The following NACA variants were observed in gnomAD, a reference collection of about 807,000 sequenced individuals.
NACA encodes nascent polypeptide associated complex subunit alpha.
NACA carries 42 observed loss-of-function variants against 86.4 expected under a neutral mutation model. The ratio of observed to expected loss-of-function variants is 0.49; its 90% CI spans 0.38 to 0.63. The LOEUF is 0.63. Ranked by LOEUF, NACA falls within the 20% of genes least tolerant of loss-of-function variation. The pLI, the probability that NACA is intolerant of heterozygous loss-of-function variation, is 0.00. For missense variants in NACA, 2,157 were observed against 2,483.6 expected (o/e 0.87, Z 2.80); for synonymous variants, 898 against 973.7 (o/e 0.92, Z 1.45).
rs1391829512 is a variant in NACA, at chr12:56,719,059, A to C, written c.2471T>G (p.Leu824Arg). ...TTCAACTGGAGAAACAGGGGATGAG[A>C]GATTTCCAATAGGAGTATCAGGGCC... ...SAGPDTPIGNLSSPVSPVEAS... is the reference protein window; with the variant it reads ...SAGPDTPIGNRSSPVSPVEAS... The change falls in exon 3 of 9, where the codon CTC (leucine) becomes CGC (arginine). Residue 824 changes from leucine (L) to arginine (R), a missense_variant. Leu to Arg is a moderately radical substitution (Grantham distance 102). Coordinates refer to ENST00000454682, the MANE Select transcript of NACA (RefSeq NM_001365896.1). 1 of 1,449,230 alleles carries C rather than the reference A, an allele frequency of 6.9e-7. No homozygotes were observed. The highest frequency in any genetic ancestry group is 1.1e-5 in the South Asian group (1 of 88,712). The allele number at this position is 1,449,230 out of a possible 1,614,324, so 89.8% of individuals were successfully genotyped here.
At chr12:56,714,521 G>A in intron 4 of NACA, 81 bp downstream of exon 4, 9 of 1,602,722 alleles carry the variant, frequency 5.6e-6, no homozygotes, top group Non-Finnish European at 7.7e-6. Context: ...CCTTTATGAA[G>A]GTTCACAGTT....
rs199890485 is a variant in NACA, at chr12:56,720,129, C to G, written c.1401G>C (p.Met467Ile). 2 of 1,613,732 alleles carry G rather than the reference C, an allele frequency of 1.2e-6. No homozygotes were observed. Among genetic ancestry groups the G allele is most frequent in the Non-Finnish European group, 1.7e-6 (2 of 1,179,870 alleles). Residue 467 changes from methionine (M) to isoleucine (I), a missense_variant, in exon 3 of 9, where the codon ATG (methionine) becomes ATC (isoleucine). Coordinates refer to ENST00000454682, the MANE Select transcript of NACA (RefSeq NM_001365896.1). ...FEVATCVSPPMSSGPISNIEP... is the reference protein window; with the variant it reads ...FEVATCVSPPISSGPISNIEP... Reference sequence around the variant, plus strand: ...CTATGTTACTTATGGGACCTGATGACATTGGAGGAGAAACACAAGTAGCTA... The same window carrying G: ...CTATGTTACTTATGGGACCTGATGAGATTGGAGGAGAAACACAAGTAGCTA...
chr12:56,721,042 GA>G lies in NACA; in HGVS notation c.487del (p.Ser163GlnfsTer4), dbSNP rs1425447351. ...TGACCCTGACTCAGCTACAGCCACT[GA>G]AGGAGGTGAAGTAAGAAGGTTAGGT... ...FPPNLLTSPP[S>X]VAVAESGSVI... On this transcript the variant is annotated frameshift_variant, in exon 3 of 9. Transcript: ENST00000454682. LOFTEE classifies it high-confidence loss of function. 1 of 1,614,010 alleles carries G rather than the reference GA, an allele frequency of 6.2e-7. No individual in the cohort carries two copies. Among genetic ancestry groups the G allele is most frequent in the Non-Finnish European group, 8.5e-7 (1 of 1,179,888 alleles).
At position 56,717,255 on chromosome 12, in the gene NACA, T is replaced by A; in HGVS notation, c.4275A>T (p.Ala1425=). 7.6e-7 allele frequency: 1 copy of A among 1,320,994 alleles called. No individual in the cohort carries two copies. The highest frequency in any genetic ancestry group is 9.9e-7 in the Non-Finnish European group (1 of 1,014,236). The allele number at this position is 1,320,994 out of a possible 1,614,324, so 81.8% of individuals were successfully genotyped here. A position where few individuals can be genotyped will look rare whatever the true frequency, so the allele number is the denominator to read the frequency against. Residue 1425 remains alanine (A), a synonymous_variant, in exon 3 of 9, where the codon GCA becomes GCT. Coordinates refer to ENST00000454682, the MANE Select transcript of NACA (RefSeq NM_001365896.1). ...APATPVTREG[A]ATPSKGDLTP... is the part of the protein sequence containing the mutation. The stretch of plus-strand genomic sequence containing the variant: ...TGAGATCTCCTTTGGATGGGGTGGC[T>A]GCGCCTTCTCTGGTGACTGGAGTTG...
rs1188055901 is a variant in NACA at position 56,719,261 on chromosome 12, TATGAG to T, written c.2264_2268del (p.Ser755TyrfsTer17). The T allele has an allele frequency of 4.5e-6, 7 of 1,555,456 alleles. No individual in the cohort carries two copies. The South Asian group carries it at 7.8e-5, about 17-fold the overall frequency. ...GAAGCAACAGGTGCCAATGCTGAAG[TATGAG>T]AAATACCATCAACCTTTTTTGTACC... On this transcript the variant is annotated frameshift_variant, in exon 3 of 9. Transcript: ENST00000454682. LOFTEE classifies it high-confidence loss of function.
Position 56,716,971 on chromosome 12 carries a change from G to A in NACA, c.4559C>T (p.Pro1520Leu). Residue 1520 changes from proline (P) to leucine (L), a missense_variant, in exon 3 of 9, where the codon CCA (proline) becomes CTA (leucine). Around this residue, in one of 8 missense-constraint regions of NACA, gnomAD observed 797 missense variants for 777.6 expected, o/e 1.02. Coordinates refer to ENST00000454682, the MANE Select transcript of NACA (RefSeq NM_001365896.1). ...GGCAATGGGGTCCCTTCTGGAGGAT[G>A]GGGTAGCTGGGACCTCTTTGGGGGA... ...PSSPKEVPAT[P>L]SSRRDPIAPT... 1 of 1,293,124 alleles carries A rather than the reference G, an allele frequency of 7.7e-7. No individual in the cohort carries two copies. The highest frequency in any genetic ancestry group is 1.0e-6 in the Non-Finnish European group (1 of 1,001,120). 80.1% of individuals were successfully genotyped at this position (1,293,124 alleles called of 1,614,324 possible). A position where few individuals can be genotyped will look rare whatever the true frequency, so the allele number is the denominator to read the frequency against.
At chr12:56,712,743 G>T (rs936333037) in intron 8 of NACA, 43 bp downstream of exon 8, 1 of 1,612,790 alleles carries the variant, frequency 6.2e-7, no homozygotes, top group African/African-American at 1.3e-5. Context: ...CTCATAATTG[G>T]TCAGGGCAGA....
rs1953532786 is a variant in NACA at position 56,720,216 on chromosome 12, G to A, written c.1314C>T (p.Thr438=). The change falls in exon 3 of 9, where the codon ACC becomes ACT. Residue 438 remains threonine, a synonymous_variant. Coordinates refer to ENST00000454682, the MANE Select transcript of NACA (RefSeq NM_001365896.1). ...AGGGGTTAGTCACCACAAGTGGGGT[G>A]GTTCCAACAGAAGAAACGGGCATTT... ...VAQMPVSSVG[T]TPLVVTNPCT... is the part of the protein sequence containing the mutation. The A allele has an allele frequency of 1.2e-6, 2 of 1,613,826 alleles. No homozygotes were observed. Among genetic ancestry groups the A allele is most frequent in the African/African-American group, 2.7e-5 (2 of 74,900 alleles).
At position 56,716,118 on chromosome 12, in the gene NACA, G is replaced by C. The variant is rs145648145; in HGVS notation, c.5412C>G (p.Pro1804=). ...PSPPVSLPLA[P]SPVPTLPPKQ... Reference sequence around the variant, plus strand: ...TAGGAGGCAGAGTGGGAACTGGGGAGGGAGCAAGAGGCAGAGAGACTGGTG... The same window carrying C: ...TAGGAGGCAGAGTGGGAACTGGGGACGGAGCAAGAGGCAGAGAGACTGGTG... Residue 1804 remains proline, a synonymous_variant, in exon 3 of 9, where the codon CCC becomes CCG. Transcript: ENST00000454682. The C allele has an allele frequency of 1.4e-4, 228 of 1,613,480 alleles. 1 individual carries two copies. The East Asian group carries it at 4.9e-3, about 35-fold the overall frequency.
rs574662799 is a variant in NACA, at chr12:56,716,047, G to C, written c.5483C>G (p.Pro1828Arg). 1 of 1,610,574 alleles carries C rather than the reference G, an allele frequency of 6.2e-7. No individual in the cohort carries two copies. The highest frequency in any genetic ancestry group is 1.7e-4 in the Middle Eastern group (1 of 6,052). The change falls in exon 3 of 9, where the codon CCC (proline) becomes CGC (arginine). Residue 1828 changes from proline to arginine, a missense_variant. Pro to Arg is a moderately radical substitution (Grantham distance 103). Coordinates refer to ENST00000454682, the MANE Select transcript of NACA (RefSeq NM_001365896.1). The stretch of plus-strand genomic sequence containing the variant: ...ATCAGCAGGGGCAAGGGGTTTAGAG[G>C]GTGATTCCAACACCAGCCCAGGAGA... ...PSSPGLVLES[P>R]SKPLAPADED... is the part of the protein sequence containing the mutation.
chr12:56,718,989 T>C lies in NACA; in HGVS notation c.2541A>G (p.Lys847=). The C allele has an allele frequency of 6.9e-7, 1 of 1,447,524 alleles. No individual in the cohort carries two copies. Among genetic ancestry groups the C allele is most frequent in the Admixed American group, 1.8e-5 (1 of 54,910 alleles). 89.7% of individuals were successfully genotyped at this position (1,447,524 alleles called of 1,614,324 possible). Residue 847 remains lysine, a synonymous_variant, in exon 3 of 9, where the codon AAA becomes AAG. Coordinates refer to ENST00000454682, the MANE Select transcript of NACA (RefSeq NM_001365896.1). ...PENSLSFQGS[K]DSPATTHSPT... is the part of the protein sequence containing the mutation. ...GAGAATGCGTCGTGGCTGGTGAGTCTTTAGAGCCTTGGAAAGAAAGACTAT... is the reference window on the plus strand; with the variant it reads ...GAGAATGCGTCGTGGCTGGTGAGTCCTTAGAGCCTTGGAAAGAAAGACTAT...
At position 56,716,177 on chromosome 12, in the gene NACA, G is replaced by A. The variant is rs111651575; in HGVS notation, c.5353C>T (p.Pro1785Ser). ...AAAFEKVLPK[P>S]ESASVSAAPS... The stretch of plus-strand genomic sequence containing the variant: ...GCTGCAGAGACAGATGCTGATTCAG[G>A]TTTAGGAAGGACCTTCTCAAAGGCA... The change falls in exon 3 of 9, where the codon CCT (proline) becomes TCT (serine). Residue 1785 changes from proline (P) to serine (S), a missense_variant. By Grantham distance (74) the Pro-to-Ser change is moderately conservative (BLOSUM62 -1). This residue lies in a region of NACA where 797 missense variants were observed against 777.6 expected (regional missense o/e 1.02). Coordinates refer to ENST00000454682, the MANE Select transcript of NACA (RefSeq NM_001365896.1). 515 of 1,613,676 alleles carry A rather than the reference G, an allele frequency of 3.2e-4. 2 individuals carry two copies. In the African/African-American group the frequency reaches 6.1e-3, roughly 19 times the overall value.
In NACA at chr12:56,719,433, G is replaced by A. The variant is rs1592319049; in HGVS notation, c.2097C>T (p.Pro699=). 1.2e-6 allele frequency: 2 copies of A among 1,612,660 alleles called. No individual in the cohort carries two copies. The highest frequency in any genetic ancestry group is 1.3e-5 in the African/African-American group (1 of 75,006). ...AATTTTCTGAAGCTGTAGGAACCAA[G>A]GGTAAAGTAGTAAGAGTACCTTCCT... The part of the protein sequence containing the change: ...PVKEGTLTTL[P]LVPTASENCP... The change falls in exon 3 of 9, where the codon CCC becomes CCT. Residue 699 remains proline (P), a synonymous_variant. Coordinates refer to ENST00000454682, the MANE Select transcript of NACA (RefSeq NM_001365896.1).
chr12:56,723,561 G>A (rs1355548340), intron 2 of NACA, among the ~76,000 whole-genome samples: 1 of 152,024 alleles, frequency 6.6e-6, no homozygotes, highest in Non-Finnish European at 1.5e-5. Flanking sequence ...AATCCCTTCA[G>A]CTGTTAAAAT....
rs1159429936 is a variant in NACA, at chr12:56,720,416, C to T, written c.1114G>A (p.Ala372Thr). 1.2e-6 allele frequency: 2 copies of T among 1,613,730 alleles called. No individual in the cohort carries two copies. The highest frequency in any genetic ancestry group is 2.2e-5 in the East Asian group (1 of 44,870). The change falls in exon 3 of 9, where the codon GCT (alanine) becomes ACT (threonine). Residue 372 changes from alanine (A) to threonine (T), a missense_variant. Around this residue, in one of 8 missense-constraint regions of NACA, gnomAD observed 947 missense variants for 917.9 expected, o/e 1.03. Coordinates refer to ENST00000454682, the MANE Select transcript of NACA (RefSeq NM_001365896.1). ...GATGGAGCCACCACTGGAAAGGCAG[C>T]CACAGTAGCAGGAACTACCTCATTT... is the stretch of plus-strand genomic sequence containing the variant. ...SRNEVVPATV[A>T]AFPVVAPSVD...
intron 8 of NACA, 50 bp downstream of exon 8, chr12:56,712,736 A>G (rs772283432): frequency 7.4e-6 from 12 of 1,611,152 alleles, no homozygotes; most frequent in Non-Finnish European, 1.0e-5. Flanking sequence ...AAAGTCACTC[A>G]TAATTGGTCA....
Position 56,718,781 on chromosome 12 carries a change from A to C in NACA, c.2749T>G (p.Ser917Ala). The change falls in exon 3 of 9, where the codon TCC becomes GCC. Residue 917 changes from serine (S) to alanine (A), a missense_variant. Physicochemically the swap from Ser to Ala is moderately conservative, Grantham distance 99. Coordinates refer to ENST00000454682, the MANE Select transcript of NACA (RefSeq NM_001365896.1). ...QAPALSMTSS[S>A]PKKARATPAP... is the part of the protein sequence containing the mutation. ...GGAGTTGCTCGGGCCTTTTTGGGGG[A>C]GGAAGAAGTCATGGATAGAGCAGGA... 6.9e-7 allele frequency: 1 copy of C among 1,442,640 alleles called. No homozygotes were observed. Among genetic ancestry groups the C allele is most frequent in the Non-Finnish European group, 9.3e-7 (1 of 1,070,212 alleles). 89.4% of individuals were successfully genotyped at this position (1,442,640 alleles called of 1,614,324 possible).
rs1953415597 is a variant in NACA at position 56,717,571 on chromosome 12, G to T, written c.3959C>A (p.Pro1320Gln). The change falls in exon 3 of 9, where the codon CCA becomes CAA. Residue 1320 changes from proline to glutamine, a missense_variant. By Grantham distance (76) the Pro-to-Gln change is moderately conservative. Coordinates refer to ENST00000454682, the MANE Select transcript of NACA (RefSeq NM_001365896.1). ...PTPPAATPPS[P>Q]KGSPGTPPPK... ...GGGTGGGGTACCTGGGCTTCCTTTT[G>T]GGGAGGGAGGAGTTGCAGCTGGAGG... 7.8e-7 allele frequency: 1 copy of T among 1,285,808 alleles called. No homozygotes were observed. The highest frequency in any genetic ancestry group is 3.7e-5 in the East Asian group (1 of 26,994). 79.6% of individuals were successfully genotyped at this position (1,285,808 alleles called of 1,614,324 possible).
At chr12:56,725,147 AC>A (rs1206791246) in intron 1 of NACA, 115 bp downstream of exon 1, 1 of 152,400 alleles carries the variant, frequency 6.6e-6, no homozygotes, top group Non-Finnish European at 1.5e-5. Flanking sequence ...GCGAGTAGGA[AC>A]CCTGTGGCCC....
Sources: allele counts gnomAD v4.1 joint callset (sites outside exome capture counted in the v4.1 genomes callset), GRCh38; gene constraint gnomAD v4.1.1; regional missense constraint gnomAD v4.1.1; transcripts MANE v1.5; gene names NCBI Gene and HGNC (gene_info 2026-07-23, HGNC 2026-07-21).